Variants in MBOAT2 observed in about 807,000 individuals in gnomAD.
MBOAT2 encodes membrane bound glycerophospholipid O-acyltransferase 2.
MBOAT2 carries 28 observed loss-of-function variants against 63.4 expected under a neutral mutation model. The observed-to-expected ratio is 0.44, with a 90% CI of 0.33 to 0.61. The LOEUF is 0.61. Among genes scored for constraint, MBOAT2 ranks in the 20% least tolerant of loss-of-function variants. The pLI is 0.03. For missense variants in MBOAT2, 470 were observed against 605.8 expected (o/e 0.78, Z 2.35); for synonymous variants, 211 against 215.6 (o/e 0.98, Z 0.19).
At chr2:8,928,925 A>G (rs182319940) in intron 3 of MBOAT2, among the ~76,000 whole-genome samples, 1 of 152,232 alleles carries the variant, frequency 6.6e-6, no homozygotes, top group Non-Finnish European at 1.5e-5. Context: ...ACTCTCAGAG[A>G]TCTCTGGATC....
rs894619141 is a variant in MBOAT2 at position 9,003,483 on chromosome 2, C to T, written c.75+57G>A. 1.8e-6 allele frequency: 2 copies of T among 1,124,808 alleles called. No homozygotes were observed. Among genetic ancestry groups the T allele is most frequent in the African/African-American group, 1.6e-5 (1 of 60,660 alleles). 69.7% of individuals were successfully genotyped at this position (1,124,808 alleles called of 1,614,324 possible). A position where few individuals can be genotyped will look rare whatever the true frequency, so the allele number is the denominator to read the frequency against. Reference sequence around the variant, plus strand: ...TCCCGGGCCCCCGGTCGGGTGGCACCGCGGCGGGGAGGGGCGGCGAGGGCG... The same window carrying T: ...TCCCGGGCCCCCGGTCGGGTGGCACTGCGGCGGGGAGGGGCGGCGAGGGCG... On this transcript the variant is annotated intron_variant, in intron 1 of 12. Transcript: ENST00000305997. This position sits in a 1 kb window ranked among gnomAD's most constrained non-coding sequence, Gnocchi z 5.4.
chr2:8,941,320 T>C (rs986510848), intron 3 of MBOAT2, among the ~76,000 whole-genome samples: 3 of 152,192 alleles, frequency 2.0e-5, no homozygotes, highest in East Asian at 1.9e-4. Context: ...TAAATATCAG[T>C]AGCATATAAG....
chr2:8,882,881 C>T (rs1247505165), intron 5 of MBOAT2, among the ~76,000 whole-genome samples: 6 of 152,092 alleles, frequency 3.9e-5, no homozygotes, highest in Admixed American at 3.9e-4. Context: ...CGAAAAGGGG[C>T]ATTACAATTT....
rs1052716397 is a variant in MBOAT2 at position 8,954,476 on chromosome 2, G to A, written c.221+4021C>T. On this transcript the variant is annotated intron_variant, in intron 2 of 12. Transcript: ENST00000305997. ...CCCAGTGGCAGGCACAGACACTAGC[G>A]CCAAGGGAGAATCCAGAGGGCAGCC... 7.2e-5 allele frequency among the ~76,000 whole-genome samples: 11 copies of A among 152,196 alleles called. No individual in the cohort carries two copies. In the East Asian group the frequency reaches 9.7e-4, roughly 13 times the overall value.
chr2:8,882,399 T>A lies in MBOAT2; in HGVS notation c.506+112A>T, dbSNP rs554651015. On this transcript the variant is annotated intron_variant, in intron 6 of 12. Transcript: ENST00000305997. ...AGTGCATGGAGAGAGTGAGGCTTGA[T>A]TTTCAGAAGTAAGTACCTCTAGAAG... 2.6e-5 allele frequency: 28 copies of A among 1,080,160 alleles called. 1 individual carries two copies. In the Admixed American group the frequency reaches 5.4e-4, roughly 21 times the overall value. 66.9% of individuals were successfully genotyped at this position (1,080,160 alleles called of 1,614,324 possible). A position where few individuals can be genotyped will look rare whatever the true frequency, so the allele number is the denominator to read the frequency against.
chr2:8,941,738 G>A (rs1478257794), intron 3 of MBOAT2, among the ~76,000 whole-genome samples: 3 of 152,006 alleles, frequency 2.0e-5, no homozygotes, highest in Admixed American at 6.5e-5. Flanking sequence ...ACAGTCACAT[G>A]TGCACTAGTG....
chr2:8,972,143 C>T (rs1414997389), intron 1 of MBOAT2, among the ~76,000 whole-genome samples: 1 of 152,190 alleles, frequency 6.6e-6, no homozygotes, highest in Non-Finnish European at 1.5e-5. Context: ...GTAACCAAAA[C>T]AGCATAGTAC....
intron 11 of MBOAT2, 139 bp from the exon 12 acceptor site, chr2:8,860,903 T>C: frequency 1.6e-6 from 1 of 640,140 alleles, no homozygotes; most frequent in East Asian, 2.9e-5. Context: ...GAATGTACAC[T>C]GCTACTATGG....
chr2:8,923,940 T>G (rs144120622), intron 3 of MBOAT2, among the ~76,000 whole-genome samples: 1 of 152,194 alleles, frequency 6.6e-6, no homozygotes, highest in African/African-American at 2.4e-5. Context: ...TTTTTGTAGA[T>G]CAGCAAGGAA....
At chr2:8,899,953 G>A (rs942494779) in intron 4 of MBOAT2, among the ~76,000 whole-genome samples, 15 of 152,238 alleles carry the variant, frequency 9.9e-5, no homozygotes, top group East Asian at 3.9e-4. Flanking sequence ...TGATATCTGC[G>A]GCTGATTGGG....
chr2:8,904,752 T>C (rs538236508), intron 4 of MBOAT2, among the ~76,000 whole-genome samples: 76 of 152,344 alleles, frequency 5.0e-4, no homozygotes, highest in African/African-American at 1.8e-3. Flanking sequence ...TCATGGTTTT[T>C]CTTGCTTTTG....
intron 3 of MBOAT2, among the ~76,000 whole-genome samples, chr2:8,942,693 C>T (rs10192594): frequency 0.88 from 133,346 of 152,188 alleles, 58,528 homozygotes; most frequent in East Asian, 0.96. Context: ...TACTCTACTC[C>T]TCAAGCTGGA....
intron 3 of MBOAT2, among the ~76,000 whole-genome samples, chr2:8,924,621 G>C (rs1246549989): frequency 6.6e-6 from 1 of 151,916 alleles, no homozygotes; most frequent in Non-Finnish European, 1.5e-5. Context: ...ACTGATACAT[G>C]AAGTCACTTG....
At chr2:8,906,995 G>A (rs965619582) in intron 4 of MBOAT2, among the ~76,000 whole-genome samples, 1 of 152,212 alleles carries the variant, frequency 6.6e-6, no homozygotes, top group Non-Finnish European at 1.5e-5. Flanking sequence ...TGCCTGCAGA[G>A]TCCCAGGACT....
intron 3 of MBOAT2, among the ~76,000 whole-genome samples, chr2:8,909,424 A>G (rs1038020685): frequency 4.6e-5 from 7 of 152,216 alleles, no homozygotes; most frequent in African/African-American, 1.7e-4. Flanking sequence ...TTCATCTCAC[A>G]CCGAAACAAT....
chr2:8,869,676 T>G (rs1245217818), intron 8 of MBOAT2, among the ~76,000 whole-genome samples: 1 of 152,196 alleles, frequency 6.6e-6, no homozygotes, highest in African/African-American at 2.4e-5. Context: ...TTTAATGAGG[T>G]CAGCCGCCTT....
intron 1 of MBOAT2, among the ~76,000 whole-genome samples, chr2:8,965,692 T>C (rs1669930059): frequency 6.6e-6 from 1 of 152,188 alleles, no homozygotes; most frequent in Non-Finnish European, 1.5e-5. Context: ...TTCTAGGGTA[T>C]TTAAAATGCA....
intron 1 of MBOAT2, among the ~76,000 whole-genome samples, chr2:8,961,299 A>G (rs140288049): frequency 1.8e-4 from 27 of 152,340 alleles, no homozygotes; most frequent in African/African-American, 6.0e-4. Context: ...TGGGGACATG[A>G]GAAAGCTGGT....
At chr2:8,911,057 T>C (rs1215313047) in intron 3 of MBOAT2, among the ~76,000 whole-genome samples, 2 of 152,178 alleles carry the variant, frequency 1.3e-5, no homozygotes, top group Non-Finnish European at 2.9e-5. Flanking sequence ...GATTTCACAA[T>C]CACCATGGAC....
Sources: allele counts gnomAD v4.1 joint callset (sites outside exome capture counted in the v4.1 genomes callset), GRCh38; gene constraint gnomAD v4.1.1; non-coding constraint Gnocchi (gnomAD v3.1); transcripts MANE v1.5; gene names NCBI Gene and HGNC (gene_info 2026-07-23, HGNC 2026-07-21).